The following SCAPER variants were observed in gnomAD, a reference collection of about 807,000 sequenced individuals.
The protein encoded by SCAPER is S-phase cyclin A associated protein in the ER.
SCAPER carries 98 observed loss-of-function variants against 182.2 expected under a neutral mutation model. The observed-to-expected ratio is 0.54, with a 90% CI of 0.46 to 0.64. SCAPER has a LOEUF of 0.64. Ranked by LOEUF, SCAPER falls within the 30% of genes least tolerant of loss-of-function variation. The pLI is 0.00. For synonymous variants in SCAPER, 605 were observed against 564.6 expected, an observed-to-expected ratio of 1.07 and a Z score of -1.01; for missense variants, 1,432 against 1,690.0, an observed-to-expected ratio of 0.85 and a Z score of 2.68.
At chr15:76,837,067 T>C (rs1004210644) in intron 5 of SCAPER, among the ~76,000 whole-genome samples, 5 of 152,136 alleles carry the variant, frequency 3.3e-5, no homozygotes, top group Admixed American at 6.5e-5. Context: ...AAACATCTTC[T>C]GTACAGCAAA....
intron 26 of SCAPER, among the ~76,000 whole-genome samples, chr15:76,421,976 T>C (rs1374122710): frequency 6.6e-6 from 1 of 152,210 alleles, no homozygotes; most frequent in Non-Finnish European, 1.5e-5. Flanking sequence ...GTTCCATTGG[T>C]CTATATCTCT....
At chr15:76,665,915 G>T in intron 20 of SCAPER, 126 bp from the exon 21 acceptor site, 1 of 791,574 alleles carries the variant, frequency 1.3e-6, no homozygotes, top group Non-Finnish European at 1.8e-6. Flanking sequence ...TAATACACTG[G>T]TTTCTACAAT....
intron 11 of SCAPER, among the ~76,000 whole-genome samples, 188 bp downstream of exon 11, chr15:76,766,730 A>T (rs1174059166): frequency 6.6e-6 from 1 of 152,256 alleles, no homozygotes; most frequent in Admixed American, 6.5e-5. Context: ...AAGTGCTAAC[A>T]AAAGATTTGC....
chr15:76,812,844 C>T (rs777709610), intron 5 of SCAPER, among the ~76,000 whole-genome samples: 1 of 151,068 alleles, frequency 6.6e-6, no homozygotes, highest in Non-Finnish European at 1.5e-5. Flanking sequence ...TCTTCAGAGC[C>T]GAATTCTACC....
At chr15:76,661,001 C>T (rs2056109199) in intron 21 of SCAPER, among the ~76,000 whole-genome samples, 1 of 151,878 alleles carries the variant, frequency 6.6e-6, no homozygotes, top group African/African-American at 2.4e-5. Flanking sequence ...CACTAAAAAT[C>T]ACAAAACATT....
At chr15:76,845,665 A>G (rs1206185986) in intron 4 of SCAPER, among the ~76,000 whole-genome samples, 1 of 152,008 alleles carries the variant, frequency 6.6e-6, no homozygotes, top group African/African-American at 2.4e-5. Context: ...ACATCTCTAC[A>G]ATGAATACAC....
chr15:76,513,942 T>C (rs886140125), intron 23 of SCAPER, among the ~76,000 whole-genome samples: 5 of 152,150 alleles, frequency 3.3e-5, no homozygotes, highest in Non-Finnish European at 5.9e-5. Flanking sequence ...TTTAGCTGTA[T>C]TTTTTTGTGT....
intron 25 of SCAPER, among the ~76,000 whole-genome samples, chr15:76,458,858 C>T (rs2048939838): frequency 6.6e-6 from 1 of 152,130 alleles, no homozygotes; most frequent in Admixed American, 6.5e-5. Context: ...CTAATAATAA[C>T]TAACTTTCTA....
intron 26 of SCAPER, among the ~76,000 whole-genome samples, chr15:76,419,416 C>T (rs1309785526): frequency 6.6e-6 from 1 of 151,548 alleles, no homozygotes; most frequent in East Asian, 1.9e-4. Context: ...ATTTAAAGAA[C>T]TAAAGAACTA....
chr15:76,493,323 G>A (rs2052515763), intron 24 of SCAPER, among the ~76,000 whole-genome samples: 1 of 151,922 alleles, frequency 6.6e-6, no homozygotes, highest in African/African-American at 2.4e-5. Flanking sequence ...TCAGAATAAG[G>A]AGTACATAAT....
chr15:76,702,562 C>T (rs183906925), intron 19 of SCAPER, among the ~76,000 whole-genome samples: 49 of 152,226 alleles, frequency 3.2e-4, no homozygotes, highest in African/African-American at 1.0e-3. Context: ...ATTCTCATGC[C>T]TCAGCCTCCC....
At chr15:76,511,849 G>A (rs1234127169) in intron 23 of SCAPER, among the ~76,000 whole-genome samples, 8 of 103,248 alleles carry the variant, frequency 7.7e-5, no homozygotes, top group African/African-American at 2.9e-4. Context: ...ATATATGTGT[G>A]TGTGTGTGTG....
At chr15:76,685,529 CA>C (rs1025613355) in intron 20 of SCAPER, among the ~76,000 whole-genome samples, 35 of 151,910 alleles carry the variant, frequency 2.3e-4, no homozygotes, top group African/African-American at 7.5e-4. Flanking sequence ...AAAATACCGC[CA>C]GGGGGAATTA....
rs36219509 is a variant in SCAPER at position 76,406,615 on chromosome 15, TACACACACACACAC to T, written c.3312-1950_3312-1937del. 2.7e-4 allele frequency among the ~76,000 whole-genome samples: 41 copies of T among 149,710 alleles called. No homozygotes were observed. The South Asian group carries it at 7.4e-3, about 27-fold the overall frequency. Reference sequence around the variant, plus strand: ...CTGGGCAACATAGTGAGACCCTGTCTACACACACACACACACACACACACACACACACACTAGCA... The same window carrying T: ...CTGGGCAACATAGTGAGACCCTGTCTACACACACACACACACACACTAGCA... On this transcript the variant is annotated intron_variant, in intron 26 of 31. Coordinates refer to ENST00000563290, the MANE Select transcript of SCAPER (RefSeq NM_020843.4).
chr15:76,562,737 CAT>C lies in SCAPER; in HGVS notation c.2838+11419_2838+11420del, dbSNP rs1452857066. ...ATTATCAAGAAAAGATAAAGAGAGA[CAT>C]ATGTTATGACCCAGGAACTCTGCTT... On this transcript the variant is annotated intron_variant, in intron 23 of 31. Coordinates refer to ENST00000563290, the MANE Select transcript of SCAPER (RefSeq NM_020843.4). Among the ~76,000 whole-genome samples the C allele has an allele frequency of 1.8e-4, 27 of 152,144 alleles. 1 individual carries two copies. The highest frequency in any genetic ancestry group is 1.6e-3 in the Admixed American group (24 of 15,278).
chr15:76,505,381 C>T (rs1317301518), intron 23 of SCAPER, among the ~76,000 whole-genome samples: 4 of 152,084 alleles, frequency 2.6e-5, no homozygotes, highest in Non-Finnish European at 4.4e-5. Flanking sequence ...TATATAAGAG[C>T]TCAAACAACT....
chr15:76,876,047 C>A (rs1053094821), intron 2 of SCAPER, among the ~76,000 whole-genome samples: 3 of 152,184 alleles, frequency 2.0e-5, no homozygotes, highest in Non-Finnish European at 4.4e-5. Flanking sequence ...GGGGACCCAG[C>A]GCACCCTCCC....
chr15:76,788,758 A>G (rs570935557), intron 8 of SCAPER, among the ~76,000 whole-genome samples: 1 of 152,348 alleles, frequency 6.6e-6, no homozygotes, highest in African/African-American at 2.4e-5. Flanking sequence ...AAGTTCTCAA[A>G]TACACAATAT....
At position 76,413,292 on chromosome 15, in the gene SCAPER, GTCTGTGTATTCCTAA is replaced by G. The variant is rs1280667488; in HGVS notation, c.3312-8628_3312-8614del. The stretch of plus-strand genomic sequence containing the variant: ...TGAATAGAAGTGATGAGGGTAAACA[GTCTGTGTATTCCTAA>G]TCTTAAAGGAAAAGTGTTTATTATT... On this transcript the variant is annotated intron_variant, in intron 26 of 31. Coordinates refer to ENST00000563290, the MANE Select transcript of SCAPER (RefSeq NM_020843.4). Among the ~76,000 whole-genome samples the G allele has an allele frequency of 6.6e-5, 10 of 152,142 alleles. No homozygotes were observed. In the East Asian group the frequency reaches 1.9e-3, roughly 29 times the overall value.
Sources: allele counts gnomAD v4.1 joint callset (sites outside exome capture counted in the v4.1 genomes callset), GRCh38; gene constraint gnomAD v4.1.1; transcripts MANE v1.5; gene names NCBI Gene and HGNC (gene_info 2026-07-23, HGNC 2026-07-21).